The following HEATR9 variants were observed in gnomAD, a reference collection of about 807,000 sequenced individuals.
HEATR9 encodes HEAT repeat containing 9.
A neutral mutation model predicts 68.2 loss-of-function variants in HEATR9; 54 were observed. The observed-to-expected ratio is 0.79, with a 90% CI of 0.64 to 0.99. The LOEUF is 0.99. Ranked by LOEUF, HEATR9 falls within the 50% of genes least tolerant of loss-of-function variation. The pLI, the probability that HEATR9 is intolerant of heterozygous loss-of-function variation, is 0.00. For synonymous variants in HEATR9, 241 were observed against 253.5 expected, an observed-to-expected ratio of 0.95 and a Z score of 0.47; for missense variants, 662 against 679.7, an observed-to-expected ratio of 0.97 and a Z score of 0.29.
chr17:35,862,841 G>A (rs2088044663), intron 8 of HEATR9, 154 bp downstream of exon 8: 1 of 1,046,334 alleles, frequency 9.6e-7, no homozygotes, highest in Non-Finnish European at 1.4e-6. Context: ...CAAGCCATAT[G>A]CTTCTATTCA....
At position 35,864,520 on chromosome 17, in the gene HEATR9, C is replaced by G. The variant is rs774489205; in HGVS notation, c.487G>C (p.Asp163His). 2.5e-6 allele frequency: 4 copies of G among 1,614,004 alleles called. No individual in the cohort carries two copies. The African/African-American group carries it at 5.3e-5, about 22-fold the overall frequency. Residue 163 changes from aspartate to histidine, a missense_variant, in exon 5 of 15, where the codon GAT (aspartate) becomes CAT (histidine). Coordinates refer to ENST00000604834, the MANE Select transcript of HEATR9 (RefSeq NM_152781.4). ...ACCTGTGCTGCATAGAACTGCTCAT[C>G]CTCTCTGGGAGATTCCAGGCTTTTT... is the stretch of plus-strand genomic sequence containing the variant. ...LTKSLESPRE[D>H]EQFYAAQALG...
At chr17:35,864,726 G>A in intron 4 of HEATR9, 32 bp downstream of exon 4, 2 of 1,612,626 alleles carry the variant, frequency 1.2e-6, no homozygotes, top group Non-Finnish European at 1.7e-6. Context: ...CAGGGAGGGA[G>A]TCCCCCACGT....
In HEATR9 at chr17:35,857,214, A is replaced by G. The variant is rs149183646; in HGVS notation, c.1153-409T>C. On this transcript the variant is annotated intron_variant, in intron 11 of 14. Transcript: ENST00000604834. ...ATAGTTCAACTCAGAGAGGTGACCA[A>G]ATGGACTCTTCCAAGCACTCTGAGT... is the stretch of plus-strand genomic sequence containing the variant. 1.6e-3 allele frequency among the ~76,000 whole-genome samples: 238 copies of G among 152,242 alleles called. 1 individual carries two copies. Among genetic ancestry groups the G allele is most frequent in the African/African-American group, 5.5e-3 (230 of 41,534 alleles).
intron 11 of HEATR9, 132 bp downstream of exon 11, chr17:35,858,068 G>A: frequency 1.5e-6 from 2 of 1,290,734 alleles, no homozygotes; most frequent in Non-Finnish European, 2.2e-6. Flanking sequence ...ATAAAAACCT[G>A]GGCTGCATTA....
intron 11 of HEATR9, among the ~76,000 whole-genome samples, chr17:35,857,935 A>C (rs2087834677): frequency 6.6e-6 from 1 of 152,116 alleles, no homozygotes; most frequent in African/African-American, 2.4e-5. Context: ...TAGTAGGCAG[A>C]AGGGGAGACG....
chr17:35,868,826 C>G lies in HEATR9; in HGVS notation c.-84G>C. The G allele has an allele frequency of 8.2e-7, 1 of 1,224,224 alleles. No individual in the cohort carries two copies. Among genetic ancestry groups the G allele is most frequent in the Non-Finnish European group, 1.2e-6 (1 of 839,960 alleles). The allele number at this position is 1,224,224 out of a possible 1,614,324, so 75.8% of individuals were successfully genotyped here. The stretch of plus-strand genomic sequence containing the variant: ...GAGTGGGGGCACAGCTGGAGGAGAC[C>G]TGTCCTCTGTGGTACGAGAGGTACA... On this transcript the variant is annotated 5_prime_UTR_variant, in exon 1 of 15. Coordinates refer to ENST00000604834, the MANE Select transcript of HEATR9 (RefSeq NM_152781.4).
At position 35,858,191 on chromosome 17, in the gene HEATR9, C is replaced by G; in HGVS notation, c.1152+9G>C. ...TGTCTCTGGGCTTGGGAGCTTTGGT[C>G]TCACTTACAAGGAAGGGTTCATTAT... is the stretch of plus-strand genomic sequence containing the variant. On this transcript the variant is annotated intron_variant, in intron 11 of 14. Transcript: ENST00000604834. 6.2e-7 allele frequency: 1 copy of G among 1,614,106 alleles called. No homozygotes were observed. The highest frequency in any genetic ancestry group is 8.5e-7 in the Non-Finnish European group (1 of 1,180,018).
chr17:35,860,478 A>AT (rs111780037), intron 8 of HEATR9, among the ~76,000 whole-genome samples: 1 of 105,728 alleles, frequency 9.5e-6, no homozygotes, highest in African/African-American at 4.0e-5. Context: ...TTATTTATTT[A>AT]TTTTATTTAT....
At chr17:35,865,178 G>A (rs770614914) in intron 3 of HEATR9, 37 bp downstream of exon 3, 2 of 1,593,840 alleles carry the variant, frequency 1.3e-6, no homozygotes, top group Non-Finnish European at 1.7e-6. Flanking sequence ...TAGAAGATGT[G>A]GAGGGTGAGA....
Position 35,855,267 on chromosome 17 carries a change from T to A in HEATR9, c.1509A>T (p.Pro503=). The A allele has an allele frequency of 6.2e-7, 1 of 1,614,242 alleles. No individual in the cohort carries two copies. ...PTRFQKEPEN[P]EELTIQDFRL... ...GAAAGTCTTGAATAGTTAACTCTTC[T>A]GGGTTCTCAGGCTCTTTCTGGAACC... is the stretch of plus-strand genomic sequence containing the variant. The change falls in exon 15 of 15, where the codon CCA becomes CCT. Residue 503 remains proline, a synonymous_variant. Coordinates refer to ENST00000604834, the MANE Select transcript of HEATR9 (RefSeq NM_152781.4).
At chr17:35,866,925 T>C (rs2088216161) in intron 1 of HEATR9, 152 bp from the exon 2 acceptor site, 2 of 713,230 alleles carry the variant, frequency 2.8e-6, no homozygotes, top group Non-Finnish European at 5.0e-6. Context: ...CTAGCCAACA[T>C]GGTGAAACCC....
intron 8 of HEATR9, chr17:35,861,442 T>C: frequency 6.2e-7 from 1 of 1,601,162 alleles, no homozygotes; most frequent in South Asian, 1.1e-5. Flanking sequence ...ATTGCGCTTC[T>C]TTTTAAAGTT....
At chr17:35,864,397 T>C in intron 5 of HEATR9, 95 bp from the exon 6 acceptor site, 1 of 1,536,442 alleles carries the variant, frequency 6.5e-7, no homozygotes, top group Non-Finnish European at 9.0e-7. Flanking sequence ...GTGCTTGGAA[T>C]ACCATCCCCA....
intron 8 of HEATR9, among the ~76,000 whole-genome samples, chr17:35,861,720 A>G (rs1437715234): frequency 2.6e-5 from 4 of 152,076 alleles, no homozygotes; most frequent in Non-Finnish European, 5.9e-5. Context: ...TACCTTCTAA[A>G]TGAGGCCTTC....
chr17:35,858,386 C>T, intron 10 of HEATR9, 47 bp downstream of exon 10: 1 of 1,613,972 alleles, frequency 6.2e-7, no homozygotes, highest in Non-Finnish European at 8.5e-7. Context: ...TCCCCTAACC[C>T]TATCCTAGTG....
rs376656299 is a variant in HEATR9, at chr17:35,866,781, G to A, written c.89-8C>T. Reference sequence around the variant, plus strand: ...CCATGGCTTTTCTGAGTTCTGGCAAGAGGGATAAGAGTATGTGTGTGGTTC... The same window carrying A: ...CCATGGCTTTTCTGAGTTCTGGCAAAAGGGATAAGAGTATGTGTGTGGTTC... On this transcript the variant is annotated splice_polypyrimidine_tract_variant and splice_region_variant and intron_variant, in intron 1 of 14. Transcript: ENST00000604834. 1 of 1,613,562 alleles carries A rather than the reference G, an allele frequency of 6.2e-7. No individual in the cohort carries two copies. Among genetic ancestry groups the A allele is most frequent in the African/African-American group, 1.3e-5 (1 of 74,980 alleles).
chr17:35,855,263 C>A lies in HEATR9; in HGVS notation c.1513G>T (p.Glu505Ter), dbSNP rs1022562473. 1 of 1,614,108 alleles carries A rather than the reference C, an allele frequency of 6.2e-7. No homozygotes were observed. The highest frequency in any genetic ancestry group is 1.7e-5 in the Admixed American group (1 of 60,010). ...RFQKEPENPE[E>*]LTIQDFRLAK... Reference sequence around the variant, plus strand: ...AGTCGAAAGTCTTGAATAGTTAACTCTTCTGGGTTCTCAGGCTCTTTCTGG... The same window carrying A: ...AGTCGAAAGTCTTGAATAGTTAACTATTCTGGGTTCTCAGGCTCTTTCTGG... Residue 505 changes from glutamate (E) to a stop codon, truncating the protein, a stop_gained, in exon 15 of 15, where the codon GAG becomes TAG. Coordinates refer to ENST00000604834, the MANE Select transcript of HEATR9 (RefSeq NM_152781.4). LOFTEE classifies it low-confidence loss of function (END_TRUNC).
chr17:35,856,709 C>G (rs1280768782), intron 12 of HEATR9, 23 bp downstream of exon 12: 3 of 1,585,148 alleles, frequency 1.9e-6, no homozygotes, highest in Non-Finnish European at 2.6e-6. Flanking sequence ...GGATTTGGCC[C>G]TGGCAGCTCC....
In HEATR9 at chr17:35,858,247, G is replaced by C; in HGVS notation, c.1105C>G (p.Leu369Val). 6.2e-7 allele frequency: 1 copy of C among 1,614,162 alleles called. No homozygotes were observed. The highest frequency in any genetic ancestry group is 1.7e-5 in the Admixed American group (1 of 60,018). ...EQIQAQGLEE[L>V]TFNLLRRKTH... is the part of the protein sequence containing the mutation. ...TTCCTCCTGAGCAGGTTAAATGTGA[G>C]TTCCTCTAGCCCCTGTGCCTGGATC... Residue 369 changes from leucine (L) to valine (V), a missense_variant, in exon 11 of 15, where the codon CTC (leucine) becomes GTC (valine). Leu to Val is a conservative substitution (Grantham distance 32). Transcript: ENST00000604834.
Sources: allele counts gnomAD v4.1 joint callset (sites outside exome capture counted in the v4.1 genomes callset), GRCh38; gene constraint gnomAD v4.1.1; transcripts MANE v1.5; gene names NCBI Gene and HGNC (gene_info 2026-07-23, HGNC 2026-07-21).